Variants in GP9 observed in about 807,000 individuals in gnomAD.
GP9 encodes glycoprotein IX platelet, also known as platelet glycoprotein IX.
For synonymous variants in GP9, 116 were observed against 116.7 expected, an observed-to-expected ratio of 0.99 and a Z score of 0.04; for missense variants, 228 against 241.8, an observed-to-expected ratio of 0.94 and a Z score of 0.38.
upstream of GP9, among the ~76,000 whole-genome samples, chr3:129,055,983 C>T (rs1283878365): frequency 6.6e-6 from 1 of 152,166 alleles, no homozygotes; most frequent in Non-Finnish European, 1.5e-5. Flanking sequence ...GTGCCAGTGG[C>T]CCCTGCCCAT....
At chr3:129,059,752 C>T (rs990070968), upstream of GP9, among the ~76,000 whole-genome samples, 3 of 152,184 alleles carry the variant, frequency 2.0e-5, no homozygotes, top group African/African-American at 7.2e-5. Flanking sequence ...AGGAAGGACT[C>T]ACCCTGCTTG....
At chr3:129,060,218 G>C (rs1244185633), upstream of GP9, among the ~76,000 whole-genome samples, 1 of 152,246 alleles carries the variant, frequency 6.6e-6, no homozygotes, top group Non-Finnish European at 1.5e-5. Flanking sequence ...TTCACACTTG[G>C]TAGAGGCTCT....
rs761917144 is a variant in GP9, at chr3:129,061,913, G to A, written c.174G>A (p.Leu58=). The A allele has an allele frequency of 1.2e-6, 2 of 1,613,792 alleles. No individual in the cohort carries two copies. Among genetic ancestry groups the A allele is most frequent in the East Asian group, 2.2e-5 (1 of 44,872 alleles). The change falls in exon 3 of 3, where the codon CTG becomes CTA. Residue 58 remains leucine (L), a synonymous_variant. Transcript: ENST00000307395. ...CGGCCCGCACCCGCCACCTTCTGCT[G>A]GCCAACAACAGCCTTCAGTCCGTGC... ...ALPARTRHLL[L]ANNSLQSVPP...
the GP9 span, among the ~76,000 whole-genome samples, chr3:129,055,220 A>T: frequency 6.6e-6 from 1 of 152,196 alleles, no homozygotes; most frequent in Admixed American, 6.5e-5. Flanking sequence ...CCTTGGCCAT[A>T]AAGGGGTCCA....
chr3:129,055,493 C>T, the GP9 span, among the ~76,000 whole-genome samples: 30 of 152,180 alleles, frequency 2.0e-4, no homozygotes, highest in Admixed American at 1.8e-3. Flanking sequence ...AGAGGCAGGT[C>T]GAAGTCCCAT....
At chr3:129,056,024 A>G (rs1335464672), upstream of GP9, among the ~76,000 whole-genome samples, 2 of 151,676 alleles carry the variant, frequency 1.3e-5, no homozygotes, top group Non-Finnish European at 2.9e-5. Context: ...CTGTGGCCAG[A>G]CCCCCAGCAA....
intron 1 of GP9, among the ~76,000 whole-genome samples, chr3:129,061,101 G>A (rs1173570831): frequency 2.6e-5 from 4 of 152,176 alleles, no homozygotes; most frequent in African/African-American, 7.2e-5. Flanking sequence ...GCCGAGACCC[G>A]AGTGTGAGTC....
chr3:129,057,125 G>A (rs1032498904), upstream of GP9, among the ~76,000 whole-genome samples: 2 of 152,196 alleles, frequency 1.3e-5, no homozygotes, highest in Non-Finnish European at 2.9e-5. Context: ...GAGGTGCTGG[G>A]GAGGGAAGAG....
chr3:129,061,582 G>A lies in GP9; in HGVS notation c.-50G>A. The A allele has an allele frequency of 1.5e-6, 1 of 682,434 alleles. No homozygotes were observed. Among genetic ancestry groups the A allele is most frequent in the Non-Finnish European group, 2.6e-6 (1 of 385,166 alleles). The allele number at this position is 682,434 out of a possible 1,614,324, so 42.3% of individuals were successfully genotyped here. ...ACTCCACCTTCCCTAGTCACCAGCT[G>A]GTTTCCCAGAGGAGAAGGCTGAGAC... On this transcript the variant is annotated 5_prime_UTR_variant, in exon 2 of 3. Transcript: ENST00000307395.
chr3:129,057,324 A>G (rs776097078), upstream of GP9, among the ~76,000 whole-genome samples: 12 of 152,206 alleles, frequency 7.9e-5, no homozygotes, highest in Non-Finnish European at 1.3e-4. Flanking sequence ...AGGAGGGGTC[A>G]TCTGAATTGA....
At position 129,061,841 on chromosome 3, in the gene GP9, G is replaced by A. The variant is rs140929300; in HGVS notation, c.102G>A (p.Leu34=). The change falls in exon 3 of 3, where the codon CTG becomes CTA. Residue 34 remains leucine (L), a synonymous_variant. Transcript: ENST00000307395. ...GCCGCGCCCTGGAAACCATGGGGCT[G>A]TGGGTGGACTGCAGGGGCCACGGAC... ...CTCRALETMG[L]WVDCRGHGLT... 1.3e-5 allele frequency: 21 copies of A among 1,612,592 alleles called. No homozygotes were observed. Among genetic ancestry groups the A allele is most frequent in the African/African-American group, 5.3e-5 (4 of 75,034 alleles).
chr3:129,059,827 C>T (rs370151934), upstream of GP9, among the ~76,000 whole-genome samples: 26 of 152,304 alleles, frequency 1.7e-4, 3 homozygotes, highest in Admixed American at 5.9e-4. Flanking sequence ...CAAGCACACC[C>T]CCACCCCCGT....
upstream of GP9, among the ~76,000 whole-genome samples, chr3:129,055,896 C>G (rs965934752): frequency 6.6e-6 from 1 of 152,232 alleles, no homozygotes; most frequent in South Asian, 2.1e-4. Flanking sequence ...CCGCCCACCT[C>G]GGCCTCCCAA....
chr3:129,061,942 C>T lies in GP9; in HGVS notation c.203C>T (p.Pro68Leu), dbSNP rs145472050. ...LANNSLQSVPPGAFDHLPQLQ... is the reference protein window; with the variant it reads ...LANNSLQSVPLGAFDHLPQLQ... ...AACAACAGCCTTCAGTCCGTGCCCC[C>T]GGGAGCCTTTGACCACCTGCCCCAG... The change falls in exon 3 of 3, where the codon CCG (proline) becomes CTG (leucine). Residue 68 changes from proline to leucine, a missense_variant. Transcript: ENST00000307395. The T allele has an allele frequency of 2.6e-5, 42 of 1,613,774 alleles. No homozygotes were observed. In the African/African-American group the frequency reaches 4.4e-4, roughly 17 times the overall value.
upstream of GP9, among the ~76,000 whole-genome samples, chr3:129,060,433 C>G (rs1003685258): frequency 6.6e-6 from 1 of 152,276 alleles, no homozygotes; most frequent in African/African-American, 2.4e-5. Flanking sequence ...GCAGGCAGGA[C>G]CGGTCACTGC....
At chr3:129,056,412 G>A (rs1946521917), upstream of GP9, among the ~76,000 whole-genome samples, 1 of 152,118 alleles carries the variant, frequency 6.6e-6, no homozygotes, top group Non-Finnish European at 1.5e-5. Flanking sequence ...TTGTCTTGGG[G>A]GATATTGAAA....
At chr3:129,057,887 G>C (rs1167903919), upstream of GP9, among the ~76,000 whole-genome samples, 2 of 146,062 alleles carry the variant, frequency 1.4e-5, no homozygotes. Context: ...AGCCTGGAGT[G>C]CAATGGCGCG....
chr3:129,061,889 G>C lies in GP9; in HGVS notation c.150G>C (p.Pro50=), dbSNP rs550480973. The change falls in exon 3 of 3, where the codon CCG becomes CCC. Residue 50 remains proline (P), a synonymous_variant. Transcript: ENST00000307395. ...GACTCACGGCCCTGCCTGCCCTGCCGGCCCGCACCCGCCACCTTCTGCTGG... is the reference window on the plus strand; with the variant it reads ...GACTCACGGCCCTGCCTGCCCTGCCCGCCCGCACCCGCCACCTTCTGCTGG... ...GHGLTALPAL[P]ARTRHLLLAN... The C allele has an allele frequency of 6.2e-7, 1 of 1,613,396 alleles. No homozygotes were observed. The highest frequency in any genetic ancestry group is 1.7e-5 in the Admixed American group (1 of 59,974).
upstream of GP9, among the ~76,000 whole-genome samples, chr3:129,056,251 T>G (rs961124140): frequency 2.0e-5 from 3 of 152,180 alleles, no homozygotes; most frequent in African/African-American, 7.2e-5. Context: ...GACCTGCATC[T>G]GCAAAGATCC....
Sources: allele counts gnomAD v4.1 joint callset (sites outside exome capture counted in the v4.1 genomes callset), GRCh38; gene constraint gnomAD v4.1.1; transcripts MANE v1.5; gene names NCBI Gene and HGNC (gene_info 2026-07-23, HGNC 2026-07-21).